The following ESRRG variants were observed in gnomAD, a reference collection of about 807,000 sequenced individuals.
ESRRG encodes estrogen related receptor gamma, also known as estrogen-related receptor gamma.
ESRRG carries 13 observed loss-of-function variants against 44.0 expected under a neutral mutation model. The ratio of observed to expected loss-of-function variants is 0.30; its 90% CI spans 0.19 to 0.47. The LOEUF (loss-of-function observed/expected upper bound fraction) is 0.47, where lower values mean the gene tolerates loss of function less well. Ranked by LOEUF, ESRRG falls within the 20% of genes least tolerant of loss-of-function variation. ESRRG has a pLI of 1.00. For missense variants in ESRRG, 395 were observed against 580.6 expected (o/e 0.68, Z 3.29); for synonymous variants, 215 against 214.6 (o/e 1.00, Z -0.02).
At chr1:216,656,272 C>T (rs1196973622) in intron 2 of ESRRG, among the ~76,000 whole-genome samples, 1 of 152,142 alleles carries the variant, frequency 6.6e-6, no homozygotes, top group Non-Finnish European at 1.5e-5. Context: ...TGGGCAGCTA[C>T]TGATGACACA....
intron 1 of ESRRG, among the ~76,000 whole-genome samples, chr1:216,944,377 G>A (rs1037602929): frequency 3.3e-5 from 5 of 151,460 alleles, no homozygotes; most frequent in African/African-American, 1.2e-4. Flanking sequence ...AAGTTAGAAA[G>A]GAAAAGGAAG....
intron 2 of ESRRG, among the ~76,000 whole-genome samples, chr1:216,906,310 T>C (rs1416595536): frequency 6.6e-6 from 1 of 152,190 alleles, no homozygotes; most frequent in Non-Finnish European, 1.5e-5. Flanking sequence ...TTTTATTTCC[T>C]TAACATGACT....
chr1:216,910,188 T>C (rs2060148866), intron 2 of ESRRG, among the ~76,000 whole-genome samples: 1 of 151,832 alleles, frequency 6.6e-6, no homozygotes, highest in African/African-American at 2.4e-5. Flanking sequence ...TATTATTGCA[T>C]GAAAATGAAA....
intron 2 of ESRRG, among the ~76,000 whole-genome samples, chr1:216,836,657 T>C (rs1012763938): frequency 6.9e-6 from 1 of 144,322 alleles, no homozygotes; most frequent in African/African-American, 2.6e-5. Flanking sequence ...CATTGCTTAT[T>C]TTTTTCTGAG....
intron 2 of ESRRG, among the ~76,000 whole-genome samples, chr1:216,664,251 G>A (rs1424984515): frequency 6.6e-6 from 1 of 151,878 alleles, no homozygotes; most frequent in African/African-American, 2.4e-5. Flanking sequence ...TCAAGATTTC[G>A]GGGACCCAGT....
At chr1:216,832,282 A>T (rs2095499298) in intron 2 of ESRRG, among the ~76,000 whole-genome samples, 1 of 152,212 alleles carries the variant, frequency 6.6e-6, no homozygotes, top group Non-Finnish European at 1.5e-5. Flanking sequence ...CAAAAGGACA[A>T]TTATCATATA....
intron 5 of ESRRG, among the ~76,000 whole-genome samples, chr1:216,553,828 C>T (rs978294931): frequency 6.6e-6 from 1 of 151,904 alleles, no homozygotes; most frequent in South Asian, 2.1e-4. Context: ...AAAAAATAAC[C>T]TGGCAAAAAT....
At chr1:217,026,916 G>C (rs12066725) in intron 1 of ESRRG, among the ~76,000 whole-genome samples, 6,944 of 92,026 alleles carry the variant, frequency 0.075, 230 homozygotes, top group Admixed American at 0.18. Context: ...CACACACAGA[G>C]AGAGAGAGAG....
At chr1:216,668,305 T>A (rs1406438112) in intron 2 of ESRRG, among the ~76,000 whole-genome samples, 1 of 152,154 alleles carries the variant, frequency 6.6e-6, no homozygotes, top group African/African-American at 2.4e-5. Flanking sequence ...CAAATTTGTG[T>A]CCATCCTGAA....
intron 2 of ESRRG, among the ~76,000 whole-genome samples, chr1:216,911,842 G>A (rs2060338981): frequency 6.6e-6 from 1 of 152,036 alleles, no homozygotes; most frequent in African/African-American, 2.4e-5. Context: ...GGCCGAGGCA[G>A]GTGGATCACG....
chr1:216,848,291 C>A (rs1359283646), intron 2 of ESRRG, among the ~76,000 whole-genome samples: 1 of 151,958 alleles, frequency 6.6e-6, no homozygotes, highest in Non-Finnish European at 1.5e-5. Flanking sequence ...GAAGAGACAC[C>A]AGAAAGACTG....
intron 1 of ESRRG, among the ~76,000 whole-genome samples, chr1:216,940,006 C>T (rs1332820082): frequency 6.6e-6 from 1 of 152,090 alleles, no homozygotes. Flanking sequence ...AAAGCATTTT[C>T]CATTATAATA....
chr1:216,673,009 G>C (rs1292936555), intron 2 of ESRRG, among the ~76,000 whole-genome samples: 1 of 152,188 alleles, frequency 6.6e-6, no homozygotes, highest in Admixed American at 6.5e-5. Flanking sequence ...TTATGTAACG[G>C]CCTGTCCATT....
At chr1:216,562,770 A>C (rs1333944747) in intron 5 of ESRRG, among the ~76,000 whole-genome samples, 1 of 152,136 alleles carries the variant, frequency 6.6e-6, no homozygotes. Context: ...GATATATATC[A>C]ATCACCTAAA....
At chr1:216,627,321 G>A (rs990858034) in intron 3 of ESRRG, among the ~76,000 whole-genome samples, 23 of 152,022 alleles carry the variant, frequency 1.5e-4, no homozygotes, top group African/African-American at 5.6e-4. Context: ...AGGTCCCTCT[G>A]CCTCTACCTC....
chr1:216,515,006 C>T (rs933508072), intron 6 of ESRRG, among the ~76,000 whole-genome samples: 1 of 151,110 alleles, frequency 6.6e-6, no homozygotes, highest in African/African-American at 2.4e-5. Flanking sequence ...TACATATGCA[C>T]ATATATATAC....
chr1:216,882,800 T>G (rs989351841), intron 2 of ESRRG, among the ~76,000 whole-genome samples: 2 of 152,186 alleles, frequency 1.3e-5, no homozygotes, highest in African/African-American at 2.4e-5. Flanking sequence ...ATGTATTCAT[T>G]TTATTTTTAA....
chr1:216,813,079 A>T (rs765815959), intron 2 of ESRRG, among the ~76,000 whole-genome samples: 2 of 152,162 alleles, frequency 1.3e-5, no homozygotes, highest in Non-Finnish European at 2.9e-5. Flanking sequence ...AGCTGGATGC[A>T]GTTGCTACAC....
chr1:216,748,612 C>CATGA, intron 2 of ESRRG, among the ~76,000 whole-genome samples: 1 of 152,110 alleles, frequency 6.6e-6, no homozygotes, highest in South Asian at 2.1e-4. Flanking sequence ...GCTCAAGTTA[C>CATGA]ACAAGTAAGT....
Sources: allele counts gnomAD v4.1 joint callset (sites outside exome capture counted in the v4.1 genomes callset), GRCh38; gene constraint gnomAD v4.1.1; transcripts MANE v1.5; gene names NCBI Gene and HGNC (gene_info 2026-07-23, HGNC 2026-07-21).